The following PLXNA2 variants were observed in gnomAD, a reference collection of about 807,000 sequenced individuals.
The protein encoded by PLXNA2 is plexin-A2.
Under a neutral mutation model 193.5 loss-of-function variants are expected in PLXNA2, and 91 were observed. The observed-to-expected ratio is 0.47, with a 90% confidence interval of 0.40 to 0.56. The LOEUF (loss-of-function observed/expected upper bound fraction) is 0.56. PLXNA2 is among the 20% of genes least tolerant of loss of function. The pLI is 0.00. For synonymous variants in PLXNA2, 997 were observed against 1,027.3 expected, an observed-to-expected ratio of 0.97 and a Z score of 0.56; for missense variants, 1,995 against 2,503.2, an observed-to-expected ratio of 0.80 and a Z score of 4.33.
intron 12 of PLXNA2, among the ~76,000 whole-genome samples, chr1:208,078,047 T>G (rs1426592583): frequency 2.0e-5 from 3 of 152,224 alleles, no homozygotes; most frequent in African/African-American, 7.2e-5. Context: ...TGTAAAGAAT[T>G]TAAAAATGGT....
chr1:208,200,952 A>G (rs1419519522), intron 3 of PLXNA2, among the ~76,000 whole-genome samples: 1 of 152,160 alleles, frequency 6.6e-6, no homozygotes, highest in East Asian at 1.9e-4. Context: ...CTAATGAACT[A>G]ATAGAATCAA....
Position 208,217,106 on chromosome 1 carries a change from C to T in PLXNA2, c.817G>A (p.Asp273Asn), listed in dbSNP as rs553163344. 1 of 1,614,160 alleles carries T rather than the reference C, an allele frequency of 6.2e-7. No homozygotes were observed. The highest frequency in any genetic ancestry group is 1.1e-5 in the South Asian group (1 of 91,068). Residue 273 changes from aspartate to asparagine, a missense_variant, in exon 2 of 32, where the codon GAC becomes AAC. Physicochemically the swap from Asp to Asn is conservative, Grantham distance 23. Around this residue, in one of 3 missense-constraint regions of PLXNA2, gnomAD observed 702 missense variants for 812.9 expected, o/e 0.86. Transcript: ENST00000367033. The surrounding 1 kb of genome is among the most constrained non-coding windows in gnomAD (Gnocchi z 4.7). ...ACGATGCGTGAGGTGTAGAAGAGGTCTCCAGCGGAGTTGATGGCCACACCC... is the reference window on the plus strand; with the variant it reads ...ACGATGCGTGAGGTGTAGAAGAGGTTTCCAGCGGAGTTGATGGCCACACCC... ...PEGVAINSAGDLFYTSRIVRL... is the reference protein window; with the variant it reads ...PEGVAINSAGNLFYTSRIVRL...
chr1:208,059,829 T>A (rs1665559575), intron 13 of PLXNA2, among the ~76,000 whole-genome samples: 1 of 152,158 alleles, frequency 6.6e-6, no homozygotes, highest in African/African-American at 2.4e-5. Context: ...AGCGATGTCA[T>A]TTTTATGGTT....
At chr1:208,060,642 C>T in intron 13 of PLXNA2, 44 bp downstream of exon 13, 1 of 1,572,222 alleles carries the variant, frequency 6.4e-7, no homozygotes, top group Non-Finnish European at 8.7e-7. Flanking sequence ...CCAGTCTCCA[C>T]TCTGAAGCTC....
At chr1:208,210,954 G>C (rs1343167781) in intron 2 of PLXNA2, among the ~76,000 whole-genome samples, 1 of 152,132 alleles carries the variant, frequency 6.6e-6, no homozygotes, top group Non-Finnish European at 1.5e-5. Flanking sequence ...GAAATTTTAG[G>C]CCATTCAACT....
At chr1:208,207,302 G>A (rs572615568) in intron 3 of PLXNA2, among the ~76,000 whole-genome samples, 23 of 152,300 alleles carry the variant, frequency 1.5e-4, no homozygotes, top group African/African-American at 5.3e-4. Flanking sequence ...CACCGTGCCC[G>A]GCCTCACATA....
chr1:208,100,782 C>A (rs1341183667), intron 5 of PLXNA2, among the ~76,000 whole-genome samples: 5 of 152,224 alleles, frequency 3.3e-5, no homozygotes. Flanking sequence ...TTTCTCCCAA[C>A]ATCTTCATCT....
chr1:208,079,151 A>C, intron 12 of PLXNA2, 109 bp downstream of exon 12: 1 of 931,120 alleles, frequency 1.1e-6, no homozygotes, highest in Non-Finnish European at 1.6e-6. Context: ...CATTAAACTC[A>C]CTGTACGCCA....
At chr1:208,118,616 C>T (rs1432464089) in intron 4 of PLXNA2, among the ~76,000 whole-genome samples, 1 of 152,184 alleles carries the variant, frequency 6.6e-6, no homozygotes, top group Non-Finnish European at 1.5e-5. Flanking sequence ...CTGTTCAAAT[C>T]TACCTTCCTC....
intron 4 of PLXNA2, among the ~76,000 whole-genome samples, chr1:208,109,824 C>T (rs983859873): frequency 1.3e-5 from 2 of 152,192 alleles, no homozygotes; most frequent in African/African-American, 2.4e-5. Context: ...AAGAGCAGAG[C>T]GGGGATCAGG....
intron 3 of PLXNA2, among the ~76,000 whole-genome samples, chr1:208,176,622 A>C (rs1198263085): frequency 6.6e-6 from 1 of 152,214 alleles, no homozygotes; most frequent in Non-Finnish European, 1.5e-5. Context: ...TTACCCAGGG[A>C]CATATAAGTG....
Position 208,039,633 on chromosome 1 carries a change from C to A in PLXNA2, c.4488G>T (p.Glu1496Asp). Reference protein sequence around the residue: ...SEDKLIRQQIEYKTLILNCVN... With the variant: ...SEDKLIRQQIDYKTLILNCVN... ...CCGGCTTCCTCACCAGGGTCTTGTA[C>A]TCGATCTGCTGCCGGATGAGCTTGT... Residue 1496 changes from glutamate to aspartate, a missense_variant, in exon 24 of 32, where the codon GAG becomes GAT. Physicochemically the swap from Glu to Asp is conservative, Grantham distance 45 (BLOSUM62 2). Coordinates refer to ENST00000367033, the MANE Select transcript of PLXNA2 (RefSeq NM_025179.4). 1 of 1,613,928 alleles carries A rather than the reference C, an allele frequency of 6.2e-7. No homozygotes were observed. Among genetic ancestry groups the A allele is most frequent in the Non-Finnish European group, 8.5e-7 (1 of 1,180,044 alleles).
chr1:208,218,113 T>C (rs1254875828), intron 1 of PLXNA2, 111 bp from the exon 2 acceptor site: 1 of 875,418 alleles, frequency 1.1e-6, no homozygotes, highest in African/African-American at 1.7e-5. Context: ...GTCTCCTCCT[T>C]CTGCATTTTG....
chr1:208,046,148 C>A, intron 17 of PLXNA2, 31 bp from the exon 18 acceptor site: 2 of 1,600,740 alleles, frequency 1.2e-6, no homozygotes, highest in South Asian at 2.2e-5. Flanking sequence ...CATTCACACA[C>A]GGAGTGCCTG....
intron 4 of PLXNA2, among the ~76,000 whole-genome samples, chr1:208,109,323 C>T (rs534956041): frequency 9.2e-5 from 14 of 152,282 alleles, no homozygotes; most frequent in Admixed American, 2.6e-4. Context: ...CCCACCCCTT[C>T]ACCCCTTCAG....
intron 6 of PLXNA2, among the ~76,000 whole-genome samples, chr1:208,097,438 G>A (rs1374601144): frequency 6.6e-6 from 1 of 152,138 alleles, no homozygotes; most frequent in Non-Finnish European, 1.5e-5. Context: ...TTCCATGTGG[G>A]CTCTCTGTTC....
In PLXNA2 at chr1:208,147,156, G is replaced by A. The variant is rs576260788; in HGVS notation, c.1372-4693C>T. 1.4e-4 allele frequency among the ~76,000 whole-genome samples: 22 copies of A among 152,178 alleles called. No homozygotes were observed. The South Asian group carries it at 4.4e-3, about 30-fold the overall frequency. On this transcript the variant is annotated intron_variant, in intron 3 of 31. Coordinates refer to ENST00000367033, the MANE Select transcript of PLXNA2 (RefSeq NM_025179.4). The stretch of plus-strand genomic sequence containing the variant: ...TCCTACTCAGCCACCCAAGTAGCTG[G>A]GACTACAGGTGTGCACCACCACAAC...
intron 4 of PLXNA2, among the ~76,000 whole-genome samples, chr1:208,134,437 T>C (rs1038710108): frequency 7.9e-5 from 12 of 152,044 alleles, no homozygotes; most frequent in African/African-American, 2.7e-4. Flanking sequence ...CTGATGTGAG[T>C]GCTCAGCTCC....
At chr1:208,088,595 C>T (rs1666612291) in intron 9 of PLXNA2, among the ~76,000 whole-genome samples, 1 of 152,206 alleles carries the variant, frequency 6.6e-6, no homozygotes, top group African/African-American at 2.4e-5. Context: ...TGATCTGACT[C>T]AGGGAGGAAG....
Sources: allele counts gnomAD v4.1 joint callset (sites outside exome capture counted in the v4.1 genomes callset), GRCh38; gene constraint gnomAD v4.1.1; regional missense constraint gnomAD v4.1.1; non-coding constraint Gnocchi (gnomAD v3.1); transcripts MANE v1.5; gene names NCBI Gene and HGNC (gene_info 2026-07-23, HGNC 2026-07-21).